Variants in SUSD4 observed in about 807,000 individuals in gnomAD.
SUSD4 encodes the protein sushi domain containing 4, also known as sushi domain-containing protein 4.
A neutral mutation model predicts 50.5 loss-of-function variants in SUSD4; 41 were observed. That is an observed-to-expected ratio of 0.81 (90% CI 0.63 to 1.05). SUSD4 has a LOEUF of 1.05. Among genes scored for constraint, SUSD4 ranks in the 50% least tolerant of loss-of-function variants. The pLI, the probability that SUSD4 is intolerant of heterozygous loss-of-function variation, is 0.00. For missense variants in SUSD4, 580 were observed against 634.7 expected (o/e 0.91, Z 0.93); for synonymous variants, 257 against 257.3 (o/e 1.00, Z 0.01).
intron 3 of SUSD4, among the ~76,000 whole-genome samples, chr1:223,279,400 A>G (rs1285054001): frequency 6.6e-6 from 1 of 152,244 alleles, no homozygotes; most frequent in African/African-American, 2.4e-5. Context: ...GCTGAAAACC[A>G]TGGCACAAGA....
At chr1:223,352,940 C>T (rs1216113386) in intron 2 of SUSD4, among the ~76,000 whole-genome samples, 1 of 151,914 alleles carries the variant, frequency 6.6e-6, no homozygotes, top group East Asian at 1.9e-4. Flanking sequence ...CACCTCCCTC[C>T]CTCATGGACC....
At chr1:223,359,676 G>A (rs1668862759) in intron 2 of SUSD4, among the ~76,000 whole-genome samples, 1 of 152,158 alleles carries the variant, frequency 6.6e-6, no homozygotes, top group East Asian at 1.9e-4. Flanking sequence ...ACACAAACAT[G>A]AATAAAGTCA....
At chr1:223,335,619 C>T (rs1369477570) in intron 2 of SUSD4, among the ~76,000 whole-genome samples, 1 of 152,104 alleles carries the variant, frequency 6.6e-6, no homozygotes, top group African/African-American at 2.4e-5. Flanking sequence ...ACAGAAAGAA[C>T]AAGCAGTCAT....
At chr1:223,266,067 C>T (rs181388585) in intron 4 of SUSD4, among the ~76,000 whole-genome samples, 2 of 152,106 alleles carry the variant, frequency 1.3e-5, no homozygotes, top group African/African-American at 2.4e-5. Flanking sequence ...GAGGGTAAGG[C>T]GGGTGCAGAA....
chr1:223,253,088 G>A (rs565293070), intron 5 of SUSD4, among the ~76,000 whole-genome samples: 6 of 148,012 alleles, frequency 4.1e-5, no homozygotes, highest in Non-Finnish European at 4.5e-5. Flanking sequence ...GTGAGGCTCC[G>A]TTTCCAAAAA....
intron 2 of SUSD4, 62 bp downstream of exon 2, chr1:223,363,216 G>A: frequency 7.0e-7 from 1 of 1,435,082 alleles, no homozygotes; most frequent in Middle Eastern, 2.0e-4. Flanking sequence ...TGTCCTGGCA[G>A]CTAGGCTCTT....
chr1:223,269,816 A>G (rs1050777194), intron 3 of SUSD4, among the ~76,000 whole-genome samples: 13 of 152,216 alleles, frequency 8.5e-5, no homozygotes, highest in Non-Finnish European at 8.8e-5. Flanking sequence ...CAAATCCTAC[A>G]AAATCCACAA....
chr1:223,309,450 G>T (rs1488720085), intron 2 of SUSD4, among the ~76,000 whole-genome samples: 2 of 152,166 alleles, frequency 1.3e-5, no homozygotes, highest in Non-Finnish European at 2.9e-5. Context: ...GAAACAACAG[G>T]ACCTCTCTAG....
intron 3 of SUSD4, among the ~76,000 whole-genome samples, chr1:223,273,896 T>A (rs1410654634): frequency 6.6e-6 from 1 of 152,222 alleles, no homozygotes; most frequent in Non-Finnish European, 1.5e-5. Flanking sequence ...TGATTTAATC[T>A]ATGTGCTTTC....
At chr1:223,300,232 A>T (rs945219513) in intron 2 of SUSD4, among the ~76,000 whole-genome samples, 1 of 152,172 alleles carries the variant, frequency 6.6e-6, no homozygotes. Flanking sequence ...CCTGCCCAGC[A>T]TTTGTGACCT....
chr1:223,245,717 A>G lies in SUSD4; in HGVS notation c.725-16329T>C, dbSNP rs1485405541. On this transcript the variant is annotated intron_variant, in intron 5 of 8. Coordinates refer to ENST00000366878, the MANE Select transcript of SUSD4 (RefSeq NM_017982.4). ...ATGGCAGGACTGCCAGGAAGTGGCT[A>G]CCATGCCTGGAGAGATGATGGCGGC... Among the ~76,000 whole-genome samples, 4 of 152,230 alleles carry G rather than the reference A, an allele frequency of 2.6e-5. No individual in the cohort carries two copies. The East Asian group carries it at 5.8e-4, about 22-fold the overall frequency.
At chr1:223,353,235 T>A (rs1388392587) in intron 2 of SUSD4, among the ~76,000 whole-genome samples, 1 of 152,214 alleles carries the variant, frequency 6.6e-6, no homozygotes, top group East Asian at 1.9e-4. Flanking sequence ...CCACACACAA[T>A]GAGTTTTCAC....
chr1:223,329,813 AATGG>A (rs147728507), intron 2 of SUSD4, among the ~76,000 whole-genome samples: 97 of 152,156 alleles, frequency 6.4e-4, no homozygotes, highest in Middle Eastern at 3.4e-3. Flanking sequence ...TAGATAAATG[AATGG>A]ATGGATGGAT....
chr1:223,234,839 C>A, intron 5 of SUSD4: 1 of 1,366,770 alleles, frequency 7.3e-7, no homozygotes, highest in South Asian at 1.9e-5. Flanking sequence ...CAAAACAATG[C>A]CAGTTGGTTC....
chr1:223,301,784 A>G (rs985638314), intron 2 of SUSD4, among the ~76,000 whole-genome samples: 1 of 152,228 alleles, frequency 6.6e-6, no homozygotes, highest in Non-Finnish European at 1.5e-5. Flanking sequence ...GCATGTTAGT[A>G]AAGGATACGA....
At chr1:223,358,486 C>CT (rs1339310590) in intron 2 of SUSD4, among the ~76,000 whole-genome samples, 1 of 152,206 alleles carries the variant, frequency 6.6e-6, no homozygotes, top group Non-Finnish European at 1.5e-5. Context: ...AGTTTCCCAT[C>CT]TAAAGGCAAG....
Position 223,363,583 on chromosome 1 carries a change from G to A in SUSD4, c.-35-123C>T. On this transcript the variant is annotated intron_variant, in intron 1 of 8. Coordinates refer to ENST00000366878, the MANE Select transcript of SUSD4 (RefSeq NM_017982.4). ...CAGGCTCCATCCTGGTTCCTCCCCCGCGCGGCCCCCGCCCCCTTTCCCACG... is the reference window on the plus strand; with the variant it reads ...CAGGCTCCATCCTGGTTCCTCCCCCACGCGGCCCCCGCCCCCTTTCCCACG... The A allele has an allele frequency of 8.4e-6, 10 of 1,185,958 alleles. No individual in the cohort carries two copies. In the South Asian group the frequency reaches 1.8e-4, roughly 22 times the overall value. The allele number at this position is 1,185,958 out of a possible 1,614,324, so 73.5% of individuals were successfully genotyped here.
chr1:223,264,937 C>G, intron 4 of SUSD4, 119 bp from the exon 5 acceptor site: 1 of 1,024,378 alleles, frequency 9.8e-7, no homozygotes, highest in Non-Finnish European at 1.4e-6. Flanking sequence ...AAAATGGCAC[C>G]ACCTCTGAAG....
intron 2 of SUSD4, among the ~76,000 whole-genome samples, chr1:223,304,346 T>C (rs559402480): frequency 1.3e-5 from 2 of 152,308 alleles, no homozygotes; most frequent in East Asian, 3.9e-4. Context: ...TGCAATTTTG[T>C]ATTTACAATA....
Sources: gnomAD v4.1 joint callset for allele counts (sites outside exome capture counted in the v4.1 genomes callset) on GRCh38, gnomAD v4.1.1 for gene constraint, MANE v1.5 for transcripts, NCBI Gene and HGNC (gene_info 2026-07-23, HGNC 2026-07-21) for gene names.